The following FOXP2 variants were observed in gnomAD, a reference collection of about 807,000 sequenced individuals.
FOXP2 encodes forkhead box P2.
In FOXP2, 12 loss-of-function variants were observed where a neutral mutation model predicts 115.8. The ratio of observed to expected loss-of-function variants is 0.10; its 90% confidence interval spans 0.07 to 0.17. FOXP2 has a LOEUF of 0.17. FOXP2 is among the 10% of genes least tolerant of loss of function. The probability of loss-of-function intolerance (pLI) is 1.00; values close to 1 mark genes in which losing one functional copy is unlikely to be tolerated. For missense variants in FOXP2, 629 were observed against 843.5 expected, an observed-to-expected ratio of 0.75 and a Z score of 3.15; for synonymous variants, 328 against 297.7, an observed-to-expected ratio of 1.10 and a Z score of -1.05.
intron 2 of FOXP2, among the ~76,000 whole-genome samples, chr7:114,507,186 C>T (rs188633768): frequency 5.3e-5 from 8 of 151,652 alleles, no homozygotes; most frequent in Admixed American, 6.6e-5. Flanking sequence ...AACAAACTTT[C>T]GTATCAATAA....
chr7:114,658,964 G>T (rs1039820266), intron 11 of FOXP2, among the ~76,000 whole-genome samples: 1 of 152,088 alleles, frequency 6.6e-6, no homozygotes, highest in Non-Finnish European at 1.5e-5. Flanking sequence ...TGTTTCCTTT[G>T]TTAGATGGCC....
intron 6 of FOXP2, among the ~76,000 whole-genome samples, chr7:114,641,011 C>A (rs1024548956): frequency 1.3e-5 from 2 of 151,882 alleles, no homozygotes; most frequent in African/African-American, 4.8e-5. Context: ...TCATTTTTTC[C>A]TGTACTTATT....
At chr7:114,629,573 T>C (rs1804776669) in intron 4 of FOXP2, 3 of 1,537,922 alleles carry the variant, frequency 2.0e-6, no homozygotes, top group Non-Finnish European at 2.6e-6. Context: ...ATACAGACTT[T>C]CTATACCCTT....
intron 2 of FOXP2, among the ~76,000 whole-genome samples, chr7:114,303,953 T>C (rs1796940281): frequency 6.6e-6 from 1 of 152,156 alleles, no homozygotes; most frequent in Non-Finnish European, 1.5e-5. Context: ...AAATATTTCA[T>C]AATTTTTAAG....
intron 2 of FOXP2, among the ~76,000 whole-genome samples, chr7:114,408,602 C>A (rs1319737108): frequency 6.6e-6 from 1 of 152,048 alleles, no homozygotes; most frequent in African/African-American, 2.4e-5. Context: ...TGGTGCATGT[C>A]TGTAATCCCA....
intron 3 of FOXP2, among the ~76,000 whole-genome samples, chr7:114,604,413 T>G (rs888813036): frequency 6.6e-6 from 1 of 152,196 alleles, no homozygotes; most frequent in Non-Finnish European, 1.5e-5. Context: ...AAGATATTTG[T>G]TGTTCTCAGA....
chr7:114,449,495 A>C (rs1794977859), intron 2 of FOXP2, among the ~76,000 whole-genome samples: 1 of 152,074 alleles, frequency 6.6e-6, no homozygotes, highest in Non-Finnish European at 1.5e-5. Flanking sequence ...TTTTTCTGCA[A>C]AGTAGATGAG....
intron 2 of FOXP2, among the ~76,000 whole-genome samples, chr7:114,313,949 A>T (rs1017059229): frequency 6.6e-6 from 1 of 151,964 alleles, no homozygotes. Context: ...GTCTGGCTCC[A>T]TTAGTGGTTT....
At chr7:114,580,230 A>G (rs1801778020) in intron 3 of FOXP2, among the ~76,000 whole-genome samples, 1 of 152,164 alleles carries the variant, frequency 6.6e-6, no homozygotes, top group Non-Finnish European at 1.5e-5. Context: ...TATCAGAAAA[A>G]CCAATCATCG....
At chr7:114,349,060 A>G (rs1791415497) in intron 2 of FOXP2, among the ~76,000 whole-genome samples, 1 of 152,112 alleles carries the variant, frequency 6.6e-6, no homozygotes, top group African/African-American at 2.4e-5. Flanking sequence ...GTCATGTAGA[A>G]TAAGATACTA....
chr7:114,311,278 C>T (rs1291060357), intron 2 of FOXP2, among the ~76,000 whole-genome samples: 1 of 152,084 alleles, frequency 6.6e-6, no homozygotes, highest in Non-Finnish European at 1.5e-5. Flanking sequence ...CTCAAGAGTC[C>T]AAGACCCAGA....
At chr7:114,454,671 A>G (rs1334033859) in intron 2 of FOXP2, among the ~76,000 whole-genome samples, 3 of 129,976 alleles carry the variant, frequency 2.3e-5, no homozygotes, top group African/African-American at 9.5e-5. Context: ...CATATACACC[A>G]TGGAATACTA....
intron 1 of FOXP2, among the ~76,000 whole-genome samples, chr7:114,256,233 G>T (rs1795609279): frequency 6.6e-6 from 1 of 152,106 alleles, no homozygotes; most frequent in South Asian, 2.1e-4. Flanking sequence ...CTCCCGAGTA[G>T]CTGGGATTAC....
At chr7:114,156,872 T>TA (rs775666661) in intron 1 of FOXP2, among the ~76,000 whole-genome samples, 68 of 152,188 alleles carry the variant, frequency 4.5e-4, no homozygotes, top group Non-Finnish European at 9.3e-4. Flanking sequence ...TCTTAAATTT[T>TA]AATGTTGACT....
intron 2 of FOXP2, among the ~76,000 whole-genome samples, chr7:114,289,818 A>G (rs1398183886): frequency 1.3e-5 from 2 of 151,970 alleles, no homozygotes; most frequent in African/African-American, 4.8e-5. Flanking sequence ...ATGAATATGC[A>G]TAATGCCAAA....
intron 13 of FOXP2, among the ~76,000 whole-genome samples, chr7:114,661,191 A>G (rs537880979): frequency 2.0e-5 from 3 of 151,876 alleles, no homozygotes. Context: ...TGAGTACTTG[A>G]TAGCTATATG....
At chr7:114,629,259 T>A (rs1238722288) in intron 4 of FOXP2, among the ~76,000 whole-genome samples, 1 of 152,150 alleles carries the variant, frequency 6.6e-6, no homozygotes, top group Non-Finnish European at 1.5e-5. Flanking sequence ...GAACCCTGAG[T>A]GTATATAGAC....
At chr7:114,356,263 A>G (rs1311453898) in intron 2 of FOXP2, among the ~76,000 whole-genome samples, 1 of 152,148 alleles carries the variant, frequency 6.6e-6, no homozygotes, top group Non-Finnish European at 1.5e-5. Flanking sequence ...CTTACCATAT[A>G]CTTCGCATAT....
chr7:114,546,094 A>G (rs2129284014), intron 3 of FOXP2, among the ~76,000 whole-genome samples: 1 of 152,302 alleles, frequency 6.6e-6, no homozygotes, highest in East Asian at 1.9e-4. Context: ...CAGTGTTTGT[A>G]TATAACTCTA....
Sources: gnomAD v4.1 joint callset for allele counts (sites outside exome capture counted in the v4.1 genomes callset) on GRCh38, gnomAD v4.1.1 for gene constraint, MANE v1.5 for transcripts, NCBI Gene and HGNC (gene_info 2026-07-23, HGNC 2026-07-21) for gene names.